ABHD5: variants seen among roughly 807,000 people sequenced by gnomAD.
ABHD5 encodes 1-acylglycerol-3-phosphate O-acyltransferase ABHD5.
Under a neutral mutation model 44.9 loss-of-function variants are expected in ABHD5, and 30 were observed. The observed-to-expected ratio is 0.67, with a 90% CI of 0.50 to 0.91. The LOEUF (loss-of-function observed/expected upper bound fraction) is 0.91, where lower values mean the gene tolerates loss of function less well. Among genes scored for constraint, ABHD5 ranks in the 40% least tolerant of loss-of-function variants. The pLI, the probability that ABHD5 is intolerant of heterozygous loss-of-function variation, is 0.00. For missense variants in ABHD5, 399 were observed against 423.4 expected (o/e 0.94, Z 0.50); for synonymous variants, 167 against 147.0 (o/e 1.14, Z -0.99).
downstream of ABHD5, among the ~76,000 whole-genome samples, chr3:43,724,843 G>A (rs2084867678): frequency 1.3e-5 from 2 of 152,232 alleles, no homozygotes; most frequent in South Asian, 2.1e-4. Flanking sequence ...ATATACATGG[G>A]TTTGTCAACA....
At chr3:43,709,004 A>T (rs1400920652) in intron 3 of ABHD5, among the ~76,000 whole-genome samples, 3 of 152,252 alleles carry the variant, frequency 2.0e-5, no homozygotes, top group Non-Finnish European at 2.9e-5. Context: ...TTACCGAATA[A>T]TAAGATTAAT....
intron 7 of ABHD5, among the ~76,000 whole-genome samples, chr3:43,727,861 G>A (rs1045270247): frequency 1.3e-5 from 2 of 152,074 alleles, no homozygotes; most frequent in African/African-American, 4.8e-5. Flanking sequence ...AGCCCGCCTC[G>A]GCCTCCCAAA....
chr3:43,732,911 C>T lies in ABHD5; in HGVS notation c.*30-969C>T, dbSNP rs527513937. 3.9e-4 allele frequency among the ~76,000 whole-genome samples: 60 copies of T among 152,304 alleles called. No homozygotes were observed. The South Asian group carries it at 0.011, about 28-fold the overall frequency. Reference sequence around the variant, plus strand: ...CATGTGGTTGTTGGGATTTGGTTCCCTCCAGCTGATGGATTGAGGGCCGTA... The same window carrying T: ...CATGTGGTTGTTGGGATTTGGTTCCTTCCAGCTGATGGATTGAGGGCCGTA... On this transcript the variant is annotated intron_variant, in intron 7 of 7. Coordinates refer to the ABHD5 transcript ENST00000454293.
At chr3:43,702,714 C>A in intron 3 of ABHD5, 127 bp downstream of exon 3, 1 of 1,313,924 alleles carries the variant, frequency 7.6e-7, no homozygotes, top group Non-Finnish European at 1.1e-6. Context: ...ACCCTATAGA[C>A]CACACCACAA....
chr3:43,728,195 G>A (rs149022435), intron 7 of ABHD5, among the ~76,000 whole-genome samples: 1,860 of 152,246 alleles, frequency 0.012, 20 homozygotes, highest in Non-Finnish European at 0.02. Context: ...TAATCTAATA[G>A]CCCTAGTGCT....
chr3:43,704,907 T>A (rs1054141501), intron 3 of ABHD5, among the ~76,000 whole-genome samples: 2 of 152,248 alleles, frequency 1.3e-5, no homozygotes, highest in African/African-American at 2.4e-5. Flanking sequence ...CCTGTCTAAA[T>A]TTGGCTGGTT....
chr3:43,715,191 G>A (rs768820552), intron 5 of ABHD5, 133 bp downstream of exon 5: 29 of 653,742 alleles, frequency 4.4e-5, no homozygotes, highest in African/African-American at 2.3e-4. Context: ...ACGGGGTTTC[G>A]CTCTTGTCAC....
In ABHD5 at chr3:43,733,406, T is replaced by C. The variant is rs543551051; in HGVS notation, c.*30-474T>C. 4.6e-5 allele frequency among the ~76,000 whole-genome samples: 7 copies of C among 152,358 alleles called. No homozygotes were observed. The South Asian group carries it at 1.2e-3, about 27-fold the overall frequency. Reference sequence around the variant, plus strand: ...TCAATCACTGTTTGTTGAATGAACATGAATTGCTACAAATAAAAGCAGTTT... The same window carrying C: ...TCAATCACTGTTTGTTGAATGAACACGAATTGCTACAAATAAAAGCAGTTT... On this transcript the variant is annotated intron_variant, in intron 7 of 7. Transcript: ENST00000454293.
At chr3:43,701,007 GT>G (rs759967377) in intron 2 of ABHD5, among the ~76,000 whole-genome samples, 56 of 152,268 alleles carry the variant, frequency 3.7e-4, no homozygotes, top group Admixed American at 8.5e-4. Context: ...TAAAAAAGGG[GT>G]GCTAGATTCT....
chr3:43,706,716 G>A (rs1010195829), intron 3 of ABHD5, among the ~76,000 whole-genome samples: 24 of 152,214 alleles, frequency 1.6e-4, no homozygotes, highest in African/African-American at 4.8e-4. Context: ...CAAAACTGCC[G>A]GGATTACAGG....
At chr3:43,710,493 TGTA>T (rs1371524801) in intron 3 of ABHD5, among the ~76,000 whole-genome samples, 13 of 152,338 alleles carry the variant, frequency 8.5e-5, no homozygotes, top group African/African-American at 3.1e-4. Flanking sequence ...GAGCAGGTCA[TGTA>T]GTACATCTCA....
At chr3:43,699,158 G>C (rs981068532) in intron 1 of ABHD5, 118 bp from the exon 2 acceptor site, 4 of 863,662 alleles carry the variant, frequency 4.6e-6, no homozygotes, top group Admixed American at 3.9e-5. Flanking sequence ...GTCACACATA[G>C]CTTTACCATC....
At chr3:43,714,137 C>CTTT (rs542982546) in intron 4 of ABHD5, among the ~76,000 whole-genome samples, 1 of 136,890 alleles carries the variant, frequency 7.3e-6, no homozygotes, top group Non-Finnish European at 1.6e-5. Flanking sequence ...TTCTTTTTTT[C>CTTT]TTTTTTTTTT....
intron 1 of ABHD5, among the ~76,000 whole-genome samples, chr3:43,694,218 C>G (rs1040006445): frequency 5.5e-5 from 8 of 144,220 alleles, no homozygotes; most frequent in African/African-American, 2.1e-4. Flanking sequence ...GAGATCGTGC[C>G]ACTGCACTCC....
downstream of ABHD5, among the ~76,000 whole-genome samples, chr3:43,722,963 C>A (rs2084853359): frequency 6.6e-6 from 1 of 151,984 alleles, no homozygotes; most frequent in Non-Finnish European, 1.5e-5. Context: ...ATAGTAAGGC[C>A]AGCCCTCGTA....
rs1405596284 is a variant in ABHD5 at position 43,702,349 on chromosome 3, C to T, written c.268C>T (p.Leu90Phe). The T allele has an allele frequency of 1.9e-6, 3 of 1,614,146 alleles. No homozygotes were observed. Among genetic ancestry groups the T allele is most frequent in the East Asian group, 2.2e-5 (1 of 44,880 alleles). ...LLHGFGGGLG[L>F]WALNFGDLCT... is the part of the protein sequence containing the mutation. ...CCATGGTTTTGGAGGAGGTCTTGGG[C>T]TCTGGGCACTGAATTTTGGAGATCT... Residue 90 changes from leucine to phenylalanine, a missense_variant, in exon 3 of 7, where the codon CTC becomes TTC. By Grantham distance (22) the Leu-to-Phe change is conservative (BLOSUM62 0). Transcript: ENST00000644371.
intron 1 of ABHD5, among the ~76,000 whole-genome samples, chr3:43,694,334 T>G (rs2084443897): frequency 6.6e-6 from 1 of 151,998 alleles, no homozygotes; most frequent in Non-Finnish European, 1.5e-5. Context: ...CTTGACTAAT[T>G]GTTAGATTAT....
chr3:43,732,938 T>C (rs1183982085), intron 7 of ABHD5, among the ~76,000 whole-genome samples: 2 of 152,210 alleles, frequency 1.3e-5, no homozygotes, highest in African/African-American at 2.4e-5. Context: ...AGGGCCGTAG[T>C]TGGTAGCTGT....
At chr3:43,703,275 GC>G (rs1426316302) in intron 3 of ABHD5, among the ~76,000 whole-genome samples, 1 of 151,156 alleles carries the variant, frequency 6.6e-6, no homozygotes. Flanking sequence ...CGCCTCCCAG[GC>G]CCAAGCAATT....
Sources: gnomAD v4.1 joint callset for allele counts (sites outside exome capture counted in the v4.1 genomes callset) on GRCh38, gnomAD v4.1.1 for gene constraint, MANE v1.5 for transcripts, NCBI Gene and HGNC (gene_info 2026-07-23, HGNC 2026-07-21) for gene names.